Variants in ZNF124 observed in about 807,000 individuals in gnomAD.
The protein encoded by ZNF124 is zinc finger protein 124, also known as zinc finger protein HZF-16.
In ZNF124, 25 loss-of-function variants were observed where a neutral mutation model predicts 26.6. The observed-to-expected ratio is 0.94, with a 90% CI of 0.68 to 1.31. The LOEUF (loss-of-function observed/expected upper bound fraction) is 1.31, where lower values mean the gene tolerates loss of function less well. Ranked by LOEUF, ZNF124 falls within the 40% of genes most tolerant of loss-of-function variation. ZNF124 has a pLI of 0.00. For missense variants in ZNF124, 444 were observed against 422.2 expected (o/e 1.05, Z -0.45); for synonymous variants, 129 against 133.3 (o/e 0.97, Z 0.22).
intron 3 of ZNF124, among the ~76,000 whole-genome samples, chr1:247,131,143 C>T (rs532786226): frequency 6.6e-6 from 1 of 152,314 alleles, no homozygotes; most frequent in African/African-American, 2.4e-5. Context: ...TCAAAATTGA[C>T]TAGAAGGATG....
intron 1 of ZNF124, among the ~76,000 whole-genome samples, chr1:247,165,095 T>C (rs151219568): frequency 0.011 from 1,711 of 152,006 alleles, 14 homozygotes; most frequent in Non-Finnish European, 0.016. Context: ...GCCTCCCGAG[T>C]AGCTGTGACT....
At chr1:247,128,399 T>A (rs1017443416) in intron 3 of ZNF124, among the ~76,000 whole-genome samples, 61 of 148,640 alleles carry the variant, frequency 4.1e-4, no homozygotes, top group African/African-American at 1.5e-3. Context: ...CAAAACTGTT[T>A]GAGGATGACC....
chr1:247,140,437 T>A (rs1672598489), intron 3 of ZNF124, among the ~76,000 whole-genome samples: 1 of 152,234 alleles, frequency 6.6e-6, no homozygotes, highest in Non-Finnish European at 1.5e-5. Context: ...ATGATCTTAA[T>A]TCCTATCCAT....
At position 247,156,129 on chromosome 1, in the gene ZNF124, C is replaced by T. The variant is rs934152760; in HGVS notation, c.*437G>A. The T allele has an allele frequency of 2.0e-5, 20 of 986,770 alleles. No individual in the cohort carries two copies. Among genetic ancestry groups the T allele is most frequent in the Non-Finnish European group, 2.4e-5 (20 of 830,896 alleles). 61.1% of individuals were successfully genotyped at this position (986,770 alleles called of 1,614,324 possible). ...AGTAATTGTTAAAATTCAGAATTTTCTGTATTTCTAGGATTTCAATCTGGT... is the reference window on the plus strand; with the variant it reads ...AGTAATTGTTAAAATTCAGAATTTTTTGTATTTCTAGGATTTCAATCTGGT... On this transcript the variant is annotated 3_prime_UTR_variant, in exon 4 of 4. Coordinates refer to ENST00000543802, the MANE Select transcript of ZNF124 (RefSeq NM_001297568.2).
At chr1:247,135,745 A>C (rs552824403) in intron 3 of ZNF124, among the ~76,000 whole-genome samples, 2 of 152,210 alleles carry the variant, frequency 1.3e-5, no homozygotes, top group African/African-American at 4.8e-5. Context: ...ACTTCAGGCC[A>C]ATAACCCTGA....
chr1:247,128,931 T>A (rs1161791691), intron 3 of ZNF124, among the ~76,000 whole-genome samples: 3 of 108,446 alleles, frequency 2.8e-5, no homozygotes, highest in African/African-American at 7.8e-5. Context: ...GGACATTGAG[T>A]ACTTCCCCCA....
rs185421892 is a variant in ZNF124 at position 247,163,292 on chromosome 1, C to A, written c.31-3479G>T. On this transcript the variant is annotated intron_variant, in intron 1 of 3. Transcript: ENST00000543802. ...CCAAAGCTAGCAGAAGACAAAAAAA[C>A]CAAAATCAGAGATAAATTGAAGAGA... 2.5e-3 allele frequency among the ~76,000 whole-genome samples: 378 copies of A among 150,104 alleles called. 2 individuals carry two copies. The highest frequency in any genetic ancestry group is 7.5e-3 in the African/African-American group (305 of 40,690).
chr1:247,124,683 T>C (rs1387267579), intron 3 of ZNF124, among the ~76,000 whole-genome samples: 1 of 152,236 alleles, frequency 6.6e-6, no homozygotes, highest in African/African-American at 2.4e-5. Context: ...ATTCTGGACA[T>C]TTCATATAAA....
At chr1:247,136,686 C>T (rs1281380561) in intron 3 of ZNF124, among the ~76,000 whole-genome samples, 2 of 152,142 alleles carry the variant, frequency 1.3e-5, no homozygotes, top group Non-Finnish European at 2.9e-5. Context: ...GTGGCTCATG[C>T]TTGTAATCCC....
chr1:247,140,752 G>A (rs1445910395), intron 3 of ZNF124, among the ~76,000 whole-genome samples: 2 of 152,156 alleles, frequency 1.3e-5, no homozygotes, highest in Admixed American at 1.3e-4. Context: ...TTTTGGTGTT[G>A]GAACTTCGGG....
At chr1:247,164,089 C>T (rs4925765) in intron 1 of ZNF124, among the ~76,000 whole-genome samples, 4,846 of 152,248 alleles carry the variant, frequency 0.032, 151 homozygotes, top group Admixed American at 0.092. Context: ...AAATAAATTT[C>T]AACATCCCTT....
chr1:247,123,343 T>C (rs12058648), exon 4 of ZNF124: 51,457 of 152,722 alleles, frequency 0.34, 9,409 homozygotes, highest in African/African-American at 0.48. Flanking sequence ...ACCGCAGGCA[T>C]CCACCACCAC....
intron 1 of ZNF124, among the ~76,000 whole-genome samples, chr1:247,161,458 C>T (rs1408112325): frequency 1.3e-5 from 2 of 152,048 alleles, no homozygotes; most frequent in Admixed American, 1.3e-4. Flanking sequence ...AAATAGACCA[C>T]TTGCAGAAGT....
chr1:247,137,859 G>A (rs1015097452), intron 3 of ZNF124, among the ~76,000 whole-genome samples: 2 of 152,178 alleles, frequency 1.3e-5, no homozygotes, highest in Non-Finnish European at 2.9e-5. Flanking sequence ...ATGAACAAAA[G>A]CTCAACATCA....
In ZNF124 at chr1:247,156,637, G is replaced by T; in HGVS notation, c.985C>A (p.Arg329Ser). ...TTATGCTTCCAAAGGGTACTAGCACGACTAAAGGCTTTGCCACATTTCTGA... is the reference window on the plus strand; with the variant it reads ...TTATGCTTCCAAAGGGTACTAGCACTACTAAAGGCTTTGCCACATTTCTGA... ...ECQKCGKAFS[R>S]ASTLWKHKKT... The change falls in exon 4 of 4, where the codon CGT (arginine) becomes AGT (serine). Residue 329 changes from arginine to serine, a missense_variant. Transcript: ENST00000543802. 6.2e-7 allele frequency: 1 copy of T among 1,604,588 alleles called. No individual in the cohort carries two copies. Among genetic ancestry groups the T allele is most frequent in the Non-Finnish European group, 8.5e-7 (1 of 1,177,106 alleles).
In ZNF124 at chr1:247,156,409, A is replaced by C; in HGVS notation, c.*157T>G. ...ATGGAAAAATTGAATGCTTTACCTT[A>C]TTGCTTATAGTCATAGGGTTTATCT... is the stretch of plus-strand genomic sequence containing the variant. On this transcript the variant is annotated 3_prime_UTR_variant, in exon 4 of 4. Coordinates refer to ENST00000543802, the MANE Select transcript of ZNF124 (RefSeq NM_001297568.2). 1 of 1,288,592 alleles carries C rather than the reference A, an allele frequency of 7.8e-7. No homozygotes were observed. Among genetic ancestry groups the C allele is most frequent in the East Asian group, 3.0e-5 (1 of 33,854 alleles). 79.8% of individuals were successfully genotyped at this position (1,288,592 alleles called of 1,614,324 possible). A position where few individuals can be genotyped will look rare whatever the true frequency, so the allele number is the denominator to read the frequency against.
At chr1:247,150,680 T>C (rs115942212), downstream of ZNF124, among the ~76,000 whole-genome samples, 2,227 of 151,976 alleles carry the variant, frequency 0.015, 52 homozygotes, top group African/African-American at 0.05. Flanking sequence ...TAAAATTCTA[T>C]TAAAATTAAG....
At chr1:247,134,949 C>T (rs950314742) in intron 3 of ZNF124, among the ~76,000 whole-genome samples, 3 of 152,124 alleles carry the variant, frequency 2.0e-5, no homozygotes, top group Admixed American at 6.6e-5. Context: ...AAACTCACTC[C>T]AAACCACACG....
At chr1:247,146,888 A>C (rs891966968) in intron 3 of ZNF124, among the ~76,000 whole-genome samples, 1 of 151,826 alleles carries the variant, frequency 6.6e-6, no homozygotes, top group Non-Finnish European at 1.5e-5. Flanking sequence ...TTTCTACTAG[A>C]ACAGGTACCG....
Sources: allele counts gnomAD v4.1 joint callset (sites outside exome capture counted in the v4.1 genomes callset), GRCh38; gene constraint gnomAD v4.1.1; transcripts MANE v1.5; gene names NCBI Gene and HGNC (gene_info 2026-07-23, HGNC 2026-07-21).